TRPC6: variants seen among roughly 807,000 people sequenced by gnomAD.
The protein encoded by TRPC6 is transient receptor potential cation channel subfamily C member 6, also known as short transient receptor potential channel 6.
Under a neutral mutation model 90.7 loss-of-function variants are expected in TRPC6, and 55 were observed. The observed-to-expected ratio is 0.61, with a 90% CI of 0.49 to 0.76. TRPC6 has a LOEUF of 0.76. Among genes scored for constraint, TRPC6 ranks in the 30% least tolerant of loss-of-function variants. TRPC6 has a pLI of 0.00. For synonymous variants in TRPC6, 393 were observed against 393.0 expected, an observed-to-expected ratio of 1.00 and a Z score of 0.00; for missense variants, 989 against 1,122.7, an observed-to-expected ratio of 0.88 and a Z score of 1.70.
rs535505471 is a variant in TRPC6, at chr11:101,491,904, A to G, written c.946-166T>C. On this transcript the variant is annotated intron_variant, in intron 2 of 12. Transcript: ENST00000344327. ...TGCCCAGGCTGGAGTGCAGTGGCAC[A>G]ATCTTGGCTCACTGCAAGATCCGCC... 7.8e-5 allele frequency among the ~76,000 whole-genome samples: 11 copies of G among 140,442 alleles called. No individual in the cohort carries two copies. The East Asian group carries it at 1.2e-3, about 16-fold the overall frequency. The allele number at this position is 140,442 out of a possible 152,430, so 92.1% of individuals were successfully genotyped here.
Position 101,469,472 on chromosome 11 carries a change from TA to T in TRPC6, c.2438del (p.Leu813Ter). On this transcript the variant is annotated frameshift_variant, in exon 10 of 13. Coordinates refer to ENST00000344327, the MANE Select transcript of TRPC6 (RefSeq NM_004621.6). LOFTEE classifies it high-confidence loss of function. The stretch of plus-strand genomic sequence containing the variant: ...ATTTTGAAAGGTCTTCATGACTTCC[TA>T]AAATTCCAAGTTTCTTTTCTTCATT... ...KINEEKKLGI[L>X]GSHEDLSKLS... is the part of the protein sequence containing the mutation. The T allele has an allele frequency of 1.3e-6, 1 of 771,244 alleles. No homozygotes were observed. The highest frequency in any genetic ancestry group is 2.4e-6 in the Non-Finnish European group (1 of 412,998). 47.8% of individuals were successfully genotyped at this position (771,244 alleles called of 1,614,324 possible).
intron 3 of TRPC6, among the ~76,000 whole-genome samples, chr11:101,490,277 T>G (rs1236787493): frequency 6.6e-6 from 1 of 152,226 alleles, no homozygotes; most frequent in South Asian, 2.1e-4. Context: ...ATTTATTGAC[T>G]GTTATATAAA....
At chr11:101,517,611 G>A (rs1055956241) in intron 1 of TRPC6, among the ~76,000 whole-genome samples, 1 of 152,144 alleles carries the variant, frequency 6.6e-6, no homozygotes, top group Admixed American at 6.5e-5. Flanking sequence ...AAGTAATAAT[G>A]ATAGAACCAC....
chr11:101,473,178 G>A (rs147167351), intron 7 of TRPC6, among the ~76,000 whole-genome samples: 309 of 152,224 alleles, frequency 2.0e-3, no homozygotes, highest in African/African-American at 7.3e-3. Context: ...AAGGGTTACA[G>A]CCTGGCTTGT....
intron 10 of TRPC6, among the ~76,000 whole-genome samples, chr11:101,464,259 T>G (rs894541315): frequency 5.9e-5 from 9 of 152,212 alleles, no homozygotes; most frequent in African/African-American, 2.2e-4. Flanking sequence ...CTGAGAAGAA[T>G]GTATATTCTG....
At chr11:101,478,032 C>G (rs893232561) in intron 5 of TRPC6, among the ~76,000 whole-genome samples, 6 of 152,150 alleles carry the variant, frequency 3.9e-5, no homozygotes, top group Non-Finnish European at 8.8e-5. Flanking sequence ...TTCACAGCCT[C>G]GAGTTGAAAA....
In TRPC6 at chr11:101,583,454, C is replaced by A; in HGVS notation, c.50G>T (p.Gly17Val). 1 of 1,535,940 alleles carries A rather than the reference C, an allele frequency of 6.5e-7. No homozygotes were observed. Among genetic ancestry groups the A allele is most frequent in the Non-Finnish European group, 8.8e-7 (1 of 1,139,952 alleles). Residue 17 changes from glycine (G) to valine (V), a missense_variant, in exon 1 of 13, where the codon GGC (glycine) becomes GTC (valine). This residue lies in a region of TRPC6 where 194 missense variants were observed against 136.5 expected (regional missense o/e 1.42). Transcript: ENST00000344327. ...FGPRRGSSPR[G>V]AAGAAARRNE... ...GCGCCGCGCAGCGGCTCCGGCAGCG[C>A]CCCGGGGAGAACTGCCCCTCCGGGG...
At chr11:101,562,399 T>C (rs1198378557) in intron 1 of TRPC6, among the ~76,000 whole-genome samples, 1 of 152,200 alleles carries the variant, frequency 6.6e-6, no homozygotes, top group African/African-American at 2.4e-5. Flanking sequence ...TATGGCTTCA[T>C]CTTGAGTCCC....
At chr11:101,566,323 A>AT (rs1289310140) in intron 1 of TRPC6, among the ~76,000 whole-genome samples, 11 of 151,994 alleles carry the variant, frequency 7.2e-5, no homozygotes, top group African/African-American at 2.4e-4. Flanking sequence ...AGTATTTAAG[A>AT]TTTTTTTTCT....
chr11:101,553,820 A>T (rs1861503492), intron 1 of TRPC6, among the ~76,000 whole-genome samples: 1 of 152,086 alleles, frequency 6.6e-6, no homozygotes, highest in African/African-American at 2.4e-5. Flanking sequence ...CCACAAAAAG[A>T]TTCTTAAGAT....
At position 101,548,072 on chromosome 11, in the gene TRPC6, G is replaced by T. The variant is rs985894266; in HGVS notation, c.170+35262C>A. ...GTATGGAAGTCTTGCCATGTGCAGT[G>T]AATCTATTATTTCAGTAATGGGGCT... is the stretch of plus-strand genomic sequence containing the variant. On this transcript the variant is annotated intron_variant, in intron 1 of 12. Coordinates refer to ENST00000344327, the MANE Select transcript of TRPC6 (RefSeq NM_004621.6). 2.0e-5 allele frequency among the ~76,000 whole-genome samples: 3 copies of T among 151,700 alleles called. No individual in the cohort carries two copies. The Admixed American group carries it at 2.0e-4, about 10-fold the overall frequency.
At chr11:101,494,273 C>T (rs1348440097) in intron 2 of TRPC6, among the ~76,000 whole-genome samples, 1 of 152,044 alleles carries the variant, frequency 6.6e-6, no homozygotes, top group Non-Finnish European at 1.5e-5. Flanking sequence ...AGCCATGTGA[C>T]CTTTAATATG....
At chr11:101,568,315 A>G (rs1157440261) in intron 1 of TRPC6, among the ~76,000 whole-genome samples, 1 of 152,202 alleles carries the variant, frequency 6.6e-6, no homozygotes, top group African/African-American at 2.4e-5. Flanking sequence ...ATTAGAGAAA[A>G]AAGAGTGAAA....
chr11:101,575,070 T>G (rs1862042474), intron 1 of TRPC6, among the ~76,000 whole-genome samples: 2 of 152,164 alleles, frequency 1.3e-5, no homozygotes. Context: ...AACTTATATT[T>G]TTAGACGAAT....
intron 1 of TRPC6, among the ~76,000 whole-genome samples, chr11:101,548,283 T>C (rs1861360664): frequency 7.1e-6 from 1 of 141,398 alleles, no homozygotes; most frequent in Non-Finnish European, 1.5e-5. Context: ...AATTTATATA[T>C]ATAATTATAT....
intron 1 of TRPC6, among the ~76,000 whole-genome samples, chr11:101,520,161 G>C (rs1345862961): frequency 6.6e-6 from 1 of 151,956 alleles, no homozygotes; most frequent in Non-Finnish European, 1.5e-5. Context: ...TAGATCATGG[G>C]GGTGGATTTT....
chr11:101,549,918 GT>G (rs1323134642), intron 1 of TRPC6, among the ~76,000 whole-genome samples: 1 of 151,414 alleles, frequency 6.6e-6, no homozygotes, highest in Admixed American at 6.6e-5. Flanking sequence ...ATGAGGTACT[GT>G]TTTTTCCATA....
intron 1 of TRPC6, among the ~76,000 whole-genome samples, chr11:101,543,400 G>A (rs1250473719): frequency 1.3e-5 from 2 of 152,092 alleles, no homozygotes; most frequent in Non-Finnish European, 2.9e-5. Context: ...CCAAAAAAGA[G>A]CTGGCATAGC....
intron 2 of TRPC6, among the ~76,000 whole-genome samples, chr11:101,496,254 C>T (rs1156262792): frequency 6.6e-6 from 1 of 152,148 alleles, no homozygotes; most frequent in African/African-American, 2.4e-5. Flanking sequence ...GGCAGGGACA[C>T]AAATCCAAAC....
Sources: allele counts gnomAD v4.1 joint callset (sites outside exome capture counted in the v4.1 genomes callset), GRCh38; gene constraint gnomAD v4.1.1; regional missense constraint gnomAD v4.1.1; transcripts MANE v1.5; gene names NCBI Gene and HGNC (gene_info 2026-07-23, HGNC 2026-07-21).